IGFL2: variants seen among roughly 807,000 people sequenced by gnomAD.
The protein encoded by IGFL2 is insulin growth factor-like family member 2.
IGFL2 carries 7 observed loss-of-function variants against 13.9 expected under a neutral mutation model. The observed-to-expected ratio is 0.51, with a 90% CI of 0.29 to 0.95. IGFL2 has a LOEUF of 0.95. Among genes scored for constraint, IGFL2 ranks in the 40% least tolerant of loss-of-function variants. IGFL2 has a pLI of 0.08. For synonymous variants in IGFL2, 55 were observed against 55.8 expected, an observed-to-expected ratio of 0.99 and a Z score of 0.07; for missense variants, 138 against 147.8, an observed-to-expected ratio of 0.93 and a Z score of 0.34.
chr19:46,115,626 G>A, the IGFL2 span, among the ~76,000 whole-genome samples: 3 of 152,234 alleles, frequency 2.0e-5, no homozygotes, highest in Non-Finnish European at 2.9e-5. Context: ...GACTCAGCCT[G>A]AGTGGGAGCA....
chr19:46,194,906 G>A, the IGFL2 span, among the ~76,000 whole-genome samples: 5 of 124,938 alleles, frequency 4.0e-5, no homozygotes, highest in Admixed American at 4.4e-4. Context: ...TTTGAGACAG[G>A]GTCTTGCTAT....
the IGFL2 span, among the ~76,000 whole-genome samples, chr19:46,118,209 G>T: frequency 4.6e-5 from 7 of 152,114 alleles, no homozygotes; most frequent in African/African-American, 1.7e-4. Context: ...TCTATAAATT[G>T]GAATAGACTT....
At chr19:46,080,944 T>C in the IGFL2 span, among the ~76,000 whole-genome samples, 3 of 152,228 alleles carry the variant, frequency 2.0e-5, no homozygotes, top group Non-Finnish European at 4.4e-5. Flanking sequence ...GGCTTCCCAT[T>C]GATGGACGGG....
At chr19:46,150,742 C>T (rs1444000565) in intron 1 of IGFL2, among the ~76,000 whole-genome samples, 1 of 152,128 alleles carries the variant, frequency 6.6e-6, no homozygotes, top group East Asian at 1.9e-4. Context: ...GTGATCACAG[C>T]TCACTGCACC....
the IGFL2 span, among the ~76,000 whole-genome samples, chr19:46,081,571 C>T: frequency 6.6e-6 from 1 of 152,176 alleles, no homozygotes; most frequent in Non-Finnish European, 1.5e-5. Context: ...TAAGCCTTAC[C>T]TGTCTGATAA....
At chr19:46,205,767 C>T in the IGFL2 span, among the ~76,000 whole-genome samples, 11 of 152,186 alleles carry the variant, frequency 7.2e-5, no homozygotes, top group African/African-American at 2.7e-4. Flanking sequence ...TGTCAGCACT[C>T]CCCAAGAAGA....
At chr19:46,129,403 C>T in the IGFL2 span, among the ~76,000 whole-genome samples, 128 of 149,198 alleles carry the variant, frequency 8.6e-4, 2 homozygotes, top group Middle Eastern at 0.017. Context: ...TGTCTTCTGC[C>T]GGCTTTGGGG....
At chr19:46,178,751 C>T in the IGFL2 span, among the ~76,000 whole-genome samples, 1 of 152,152 alleles carries the variant, frequency 6.6e-6, no homozygotes, top group Non-Finnish European at 1.5e-5. Context: ...CACCCATAAG[C>T]CCCCACTTCA....
At chr19:46,086,044 A>C in the IGFL2 span, among the ~76,000 whole-genome samples, 2 of 152,038 alleles carry the variant, frequency 1.3e-5, no homozygotes, top group Non-Finnish European at 2.9e-5. Context: ...AGGTTACTTC[A>C]AAAGACCCAT....
At chr19:46,108,740 T>C in the IGFL2 span, among the ~76,000 whole-genome samples, 1 of 152,012 alleles carries the variant, frequency 6.6e-6, no homozygotes, top group Non-Finnish European at 1.5e-5. Flanking sequence ...GGGTGAATAA[T>C]CAGGCAGGCA....
the IGFL2 span, among the ~76,000 whole-genome samples, chr19:46,116,545 A>C: frequency 6.6e-6 from 1 of 152,186 alleles, no homozygotes; most frequent in African/African-American, 2.4e-5. Context: ...TAATTAGAAC[A>C]ATTTTTAAAT....
the IGFL2 span, chr19:46,196,300 TC>T: frequency 4.4e-6 from 1 of 228,682 alleles, no homozygotes; most frequent in Non-Finnish European, 9.5e-6. Context: ...CGAGCCCATC[TC>T]CCATCTCAGC....
chr19:46,130,321 G>T, the IGFL2 span, among the ~76,000 whole-genome samples: 11 of 151,974 alleles, frequency 7.2e-5, no homozygotes, highest in Non-Finnish European at 1.3e-4. Flanking sequence ...AATACTACAG[G>T]GTATGATCTC....
At chr19:46,106,235 A>G in the IGFL2 span, among the ~76,000 whole-genome samples, 6 of 152,174 alleles carry the variant, frequency 3.9e-5, no homozygotes, top group Admixed American at 3.9e-4. Flanking sequence ...GGAGGGGGAT[A>G]TGCAATATCC....
At chr19:46,114,061 T>C in the IGFL2 span, among the ~76,000 whole-genome samples, 5 of 152,170 alleles carry the variant, frequency 3.3e-5, no homozygotes, top group Non-Finnish European at 7.4e-5. Flanking sequence ...AAGTCACACT[T>C]GTAGGAAGTC....
the IGFL2 span, among the ~76,000 whole-genome samples, chr19:46,096,153 T>G: frequency 6.6e-6 from 1 of 152,156 alleles, no homozygotes; most frequent in South Asian, 2.1e-4. Flanking sequence ...TATCCACAAG[T>G]GTGGAATGTT....
At chr19:46,174,600 C>T in the IGFL2 span, among the ~76,000 whole-genome samples, 1 of 152,150 alleles carries the variant, frequency 6.6e-6, no homozygotes, top group African/African-American at 2.4e-5. Context: ...AAGGCACCTC[C>T]ATATAATAAA....
At chr19:46,086,411 TCTC>T in the IGFL2 span, among the ~76,000 whole-genome samples, 1 of 152,044 alleles carries the variant, frequency 6.6e-6, no homozygotes, top group South Asian at 2.1e-4. Flanking sequence ...CCAATCTCCT[TCTC>T]CTGTGTTCAA....
chr19:46,108,954 G>T, the IGFL2 span, among the ~76,000 whole-genome samples: 1 of 152,212 alleles, frequency 6.6e-6, no homozygotes, highest in African/African-American at 2.4e-5. Context: ...ATTTGAAATT[G>T]GTGAGATGTT....
Sources: allele counts gnomAD v4.1 joint callset (sites outside exome capture counted in the v4.1 genomes callset), GRCh38; gene constraint gnomAD v4.1.1; transcripts MANE v1.5; gene names NCBI Gene and HGNC (gene_info 2026-07-23, HGNC 2026-07-21).